Variants in NAA15 observed in about 807,000 individuals in gnomAD.
The protein encoded by NAA15 is N-terminal acetyltransferase.
Under a neutral mutation model 114.0 loss-of-function variants are expected in NAA15, and 34 were observed. That is an observed-to-expected ratio of 0.30 (90% CI 0.23 to 0.40). NAA15 has a LOEUF of 0.40. Ranked by LOEUF, NAA15 falls within the 10% of genes least tolerant of loss-of-function variation. NAA15 has a pLI of 1.00. For synonymous variants in NAA15, 340 were observed against 338.0 expected (o/e 1.01, Z -0.06); for missense variants, 658 against 1,004.5 (o/e 0.66, Z 4.66).
At position 139,387,960 on chromosome 4, in the gene NAA15, C is replaced by T; in HGVS notation, c.2477C>T (p.Ala826Val). 3 of 1,613,924 alleles carry T rather than the reference C, an allele frequency of 1.9e-6. No homozygotes were observed. ...DCKEAAEIYR[A>V]NCHKLFPYAL... ...AAAGAAGCTGCTGAAATTTATAGAG[C>T]AAATTGTCATAAGCTTTTCCCTTAT... Residue 826 changes from alanine to valine, a missense_variant, in exon 20 of 20, where the codon GCA becomes GTA. By Grantham distance (64) the Ala-to-Val change is moderately conservative. Around this residue, in one of 6 missense-constraint regions of NAA15, gnomAD observed 275 missense variants for 371.1 expected, o/e 0.74. Transcript: ENST00000296543.
chr4:139,336,048 T>C (rs2122598), intron 2 of NAA15, among the ~76,000 whole-genome samples: 81,961 of 152,060 alleles, frequency 0.54, 24,381 homozygotes, highest in African/African-American at 0.81. Context: ...TGTGAGGCAC[T>C]GTGCCTGGCC....
intron 14 of NAA15, among the ~76,000 whole-genome samples, chr4:139,368,103 A>G (rs1298172255): frequency 1.3e-5 from 2 of 152,224 alleles, no homozygotes; most frequent in South Asian, 2.1e-4. Flanking sequence ...TTGTTACAGC[A>G]GTATCTCATG....
intron 1 of NAA15, among the ~76,000 whole-genome samples, chr4:139,322,245 A>G (rs569313803): frequency 2.0e-5 from 3 of 152,188 alleles, no homozygotes; most frequent in African/African-American, 7.2e-5. Context: ...ATGATAGTGA[A>G]TGAGTTTCAT....
chr4:139,333,433 CTTTT>C (rs1178363216), intron 1 of NAA15, among the ~76,000 whole-genome samples: 1 of 148,222 alleles, frequency 6.7e-6, no homozygotes, highest in Non-Finnish European at 1.5e-5. Context: ...TTTTAAGGAC[CTTTT>C]TTTTTTATTT....
At chr4:139,340,816 G>C (rs1747359562) in intron 3 of NAA15, 96 bp from the exon 4 acceptor site, 1 of 958,424 alleles carries the variant, frequency 1.0e-6, no homozygotes, top group Admixed American at 3.1e-5. Flanking sequence ...TAAGCTTGTA[G>C]TTTTATAAAT....
At chr4:139,370,431 T>C (rs769712616) in intron 15 of NAA15, 27 bp downstream of exon 15, 6 of 1,501,688 alleles carry the variant, frequency 4.0e-6, no homozygotes, top group South Asian at 1.5e-5. Flanking sequence ...TTTAGCACAA[T>C]TGAGTGACAT....
chr4:139,364,590 T>A (rs374450840), intron 14 of NAA15, among the ~76,000 whole-genome samples: 2 of 152,162 alleles, frequency 1.3e-5, no homozygotes, highest in South Asian at 4.1e-4. Flanking sequence ...AAAAAAATAA[T>A]GTAGTAGGTC....
chr4:139,373,397 T>C (rs1021353870), intron 15 of NAA15, among the ~76,000 whole-genome samples: 1 of 152,194 alleles, frequency 6.6e-6, no homozygotes, highest in Non-Finnish European at 1.5e-5. Context: ...TCTAATCTTA[T>C]GGGACCACTT....
At chr4:139,304,419 G>A (rs1321894867) in intron 1 of NAA15, among the ~76,000 whole-genome samples, 1 of 152,242 alleles carries the variant, frequency 6.6e-6, no homozygotes, top group Non-Finnish European at 1.5e-5. Flanking sequence ...ACGCGTGTGA[G>A]TGCTCGCGCA....
intron 2 of NAA15, 49 bp from the exon 3 acceptor site, chr4:139,336,799 A>G: frequency 9.2e-7 from 1 of 1,085,622 alleles, no homozygotes; most frequent in Non-Finnish European, 1.3e-6. Context: ...TTTATTTTTA[A>G]TATTTATTTT....
intron 10 of NAA15, chr4:139,356,587 A>C (rs1208103561): frequency 6.6e-6 from 1 of 152,176 alleles, no homozygotes; most frequent in African/African-American, 2.4e-5. Flanking sequence ...GGAGTTGGTG[A>C]GTTCCACTCC....
chr4:139,305,504 TATGTA>T (rs890391326), intron 1 of NAA15, among the ~76,000 whole-genome samples: 58 of 152,056 alleles, frequency 3.8e-4, no homozygotes, highest in African/African-American at 1.3e-3. Flanking sequence ...GTGTGTGCTC[TATGTA>T]ATCAAGTGTT....
chr4:139,328,749 G>A (rs1746892758), intron 1 of NAA15, among the ~76,000 whole-genome samples: 1 of 151,054 alleles, frequency 6.6e-6, no homozygotes, highest in South Asian at 2.1e-4. Context: ...TGTAATATTA[G>A]TAGAGATGGG....
chr4:139,341,148 T>C, intron 4 of NAA15, 79 bp downstream of exon 4: 4 of 1,046,398 alleles, frequency 3.8e-6, no homozygotes, highest in Non-Finnish European at 5.2e-6. Flanking sequence ...ATACATAAAT[T>C]TTTTATTTCA....
intron 17 of NAA15, among the ~76,000 whole-genome samples, chr4:139,383,546 C>T (rs1748807986): frequency 6.6e-6 from 1 of 152,202 alleles, no homozygotes; most frequent in Non-Finnish European, 1.5e-5. Context: ...TCTTGGCTCA[C>T]TGCAACCTCC....
chr4:139,342,239 G>T (rs6810508), intron 4 of NAA15, among the ~76,000 whole-genome samples: 42,172 of 151,700 alleles, frequency 0.28, 6,194 homozygotes, highest in African/African-American at 0.37. Context: ...CCTCTTTTCT[G>T]GGACTGAGCA....
chr4:139,360,468 A>G, intron 12 of NAA15, 32 bp from the exon 13 acceptor site: 1 of 1,489,144 alleles, frequency 6.7e-7, no homozygotes, highest in Non-Finnish European at 9.0e-7. Flanking sequence ...TATGATAAAA[A>G]GTGATCTTGA....
rs1366182857 is a variant in NAA15, at chr4:139,389,375, G to A, written c.*1291G>A. 6.6e-6 allele frequency: 1 copy of A among 152,504 alleles called. No individual in the cohort carries two copies. The highest frequency in any genetic ancestry group is 6.6e-5 in the Admixed American group (1 of 15,266). The allele number at this position is 152,504 out of a possible 1,614,324, so 9.4% of individuals were successfully genotyped here. On this transcript the variant is annotated 3_prime_UTR_variant, in exon 20 of 20. Transcript: ENST00000296543. ...TTGGGCTTCTGTGAAATACACAGGT[G>A]GAAACAGAGGTGCAAGCCAGAGGCA...
intron 6 of NAA15, among the ~76,000 whole-genome samples, chr4:139,345,861 C>T (rs1747564150): frequency 6.6e-6 from 1 of 151,904 alleles, no homozygotes; most frequent in African/African-American, 2.4e-5. Flanking sequence ...GCGGAGCTTG[C>T]AGTGAGCTGA....
Sources: gnomAD v4.1 joint callset for allele counts (sites outside exome capture counted in the v4.1 genomes callset) on GRCh38, gnomAD v4.1.1 for gene constraint, gnomAD v4.1.1 regional missense constraint, MANE v1.5 for transcripts, NCBI Gene and HGNC (gene_info 2026-07-23, HGNC 2026-07-21) for gene names.